SPATA9: variants seen among roughly 807,000 people sequenced by gnomAD.
SPATA9 encodes the protein spermatogenesis associated 9, also known as spermatogenesis-associated protein 9.
In SPATA9, 27 loss-of-function variants were observed where a neutral mutation model predicts 25.5. The ratio of observed to expected loss-of-function variants is 1.06; its 90% CI spans 0.78 to 1.46. SPATA9 has a LOEUF of 1.46. Ranked by LOEUF, SPATA9 falls within the 40% of genes most tolerant of loss-of-function variation. SPATA9 has a pLI of 0.00. For synonymous variants in SPATA9, 102 were observed against 105.7 expected, an observed-to-expected ratio of 0.97 and a Z score of 0.21; for missense variants, 282 against 297.5, an observed-to-expected ratio of 0.95 and a Z score of 0.38.
chr5:95,658,554 C>G lies in SPATA9; in HGVS notation c.*69G>C. On this transcript the variant is annotated 3_prime_UTR_variant, in exon 5 of 5. Coordinates refer to ENST00000274432, the MANE Select transcript of SPATA9 (RefSeq NM_031952.4). Reference sequence around the variant, plus strand: ...CAATTCAGAATATGTAAACTAGACTCTGAGTTTTGTCAGATGAAATGTGCC... The same window carrying G: ...CAATTCAGAATATGTAAACTAGACTGTGAGTTTTGTCAGATGAAATGTGCC... 1 of 1,505,358 alleles carries G rather than the reference C, an allele frequency of 6.6e-7. No homozygotes were observed. The highest frequency in any genetic ancestry group is 8.8e-7 in the Non-Finnish European group (1 of 1,130,480). The allele number at this position is 1,505,358 out of a possible 1,614,324, so 93.3% of individuals were successfully genotyped here. A position where few individuals can be genotyped will look rare whatever the true frequency, so the allele number is the denominator to read the frequency against.
the SPATA9 span, chr5:95,731,474 C>A: frequency 1.3e-5 from 16 of 1,223,140 alleles, no homozygotes; most frequent in East Asian, 5.7e-4. Context: ...GCTTATCCCC[C>A]GCCCGCTAGC....
the SPATA9 span, chr5:95,732,099 C>G: frequency 6.2e-7 from 1 of 1,608,064 alleles, no homozygotes; most frequent in Non-Finnish European, 8.5e-7. Flanking sequence ...GGAAGAGCAG[C>G]TGCTCCGCGC....
chr5:95,698,275 G>A (rs933269606), intron 1 of SPATA9, among the ~76,000 whole-genome samples: 1 of 152,140 alleles, frequency 6.6e-6, no homozygotes, highest in Non-Finnish European at 1.5e-5. Flanking sequence ...GCAGACAGTG[G>A]GGCTGGAATG....
chr5:95,704,009 G>A, the SPATA9 span, among the ~76,000 whole-genome samples: 4 of 151,998 alleles, frequency 2.6e-5, no homozygotes, highest in East Asian at 1.9e-4. Context: ...ACTGACAAAC[G>A]TGCATGCAGA....
At chr5:95,678,784 C>G (rs746185337) in intron 2 of SPATA9, among the ~76,000 whole-genome samples, 3 of 152,122 alleles carry the variant, frequency 2.0e-5, no homozygotes, top group Non-Finnish European at 2.9e-5. Context: ...TGCTTAACAA[C>G]GGAGTATTAG....
intron 2 of SPATA9, among the ~76,000 whole-genome samples, chr5:95,679,182 C>CTGGTGGG (rs1355033764): frequency 1.6e-4 from 24 of 152,274 alleles, no homozygotes; most frequent in African/African-American, 5.5e-4. Flanking sequence ...TCTCTGATTT[C>CTGGTGGG]AGCAATGGTG....
chr5:95,687,721 T>C (rs1046821458), upstream of SPATA9, among the ~76,000 whole-genome samples: 2 of 152,176 alleles, frequency 1.3e-5, no homozygotes, highest in Non-Finnish European at 2.9e-5. Flanking sequence ...ATCGGCAACA[T>C]TAGCATTGTT....
At chr5:95,690,271 A>T (rs138957830) in intron 1 of SPATA9, among the ~76,000 whole-genome samples, 1 of 152,202 alleles carries the variant, frequency 6.6e-6, no homozygotes, top group Non-Finnish European at 1.5e-5. Flanking sequence ...ATTTTTAAGA[A>T]TATATTTTTC....
chr5:95,676,134 T>C (rs1414002703), intron 2 of SPATA9, among the ~76,000 whole-genome samples: 1 of 152,170 alleles, frequency 6.6e-6, no homozygotes, highest in Non-Finnish European at 1.5e-5. Context: ...TAAATCTTTA[T>C]ATATGTATAT....
upstream of SPATA9, among the ~76,000 whole-genome samples, chr5:95,700,307 T>A (rs975838878): frequency 6.6e-6 from 1 of 152,074 alleles, no homozygotes; most frequent in South Asian, 2.1e-4. Context: ...AAAAAAATTT[T>A]TTTTTTTGTT....
At chr5:95,663,048 A>G (rs1422429154) in intron 4 of SPATA9, among the ~76,000 whole-genome samples, 1 of 152,218 alleles carries the variant, frequency 6.6e-6, no homozygotes, top group Non-Finnish European at 1.5e-5. Flanking sequence ...ATGGCCTAGC[A>G]GTTTCACCAA....
chr5:95,660,706 T>G (rs1751181903), intron 4 of SPATA9, among the ~76,000 whole-genome samples: 1 of 152,102 alleles, frequency 6.6e-6, no homozygotes, highest in South Asian at 2.1e-4. Context: ...AACAAAAAAT[T>G]ATATTTGTGC....
chr5:95,728,606 TA>T, the SPATA9 span, among the ~76,000 whole-genome samples: 1 of 152,230 alleles, frequency 6.6e-6, no homozygotes, highest in Non-Finnish European at 1.5e-5. Flanking sequence ...GTCTAGGAAC[TA>T]GAATGTTTTC....
At chr5:95,730,978 T>TA in the SPATA9 span, 2 of 557,990 alleles carry the variant, frequency 3.6e-6, no homozygotes, top group African/African-American at 3.9e-5. Context: ...CTAGCTTCCC[T>TA]AACCTCCTTT....
Position 95,680,035 on chromosome 5 carries a change from C to T in SPATA9, c.150+2493G>A, listed in dbSNP as rs370437604. Among the ~76,000 whole-genome samples the T allele has an allele frequency of 4.3e-3, 650 of 152,290 alleles. 3 individuals carry two copies. Among genetic ancestry groups the T allele is most frequent in the African/African-American group, 0.015 (619 of 41,556 alleles). On this transcript the variant is annotated intron_variant, in intron 2 of 4. Coordinates refer to ENST00000274432, the MANE Select transcript of SPATA9 (RefSeq NM_031952.4). Reference sequence around the variant, plus strand: ...GCCTCAGCCTCCCGAGGAGCTGGGACTACAGGCGCCCGCCACATTGCCTGG... The same window carrying T: ...GCCTCAGCCTCCCGAGGAGCTGGGATTACAGGCGCCCGCCACATTGCCTGG...
chr5:95,727,236 C>T, the SPATA9 span, among the ~76,000 whole-genome samples: 1 of 152,146 alleles, frequency 6.6e-6, no homozygotes, highest in South Asian at 2.1e-4. Flanking sequence ...TTTTCTGCCA[C>T]CTCCTCAAGC....
intron 2 of SPATA9, among the ~76,000 whole-genome samples, 190 bp from the exon 3 acceptor site, chr5:95,675,829 T>C (rs1249863382): frequency 6.6e-6 from 1 of 150,388 alleles, no homozygotes; most frequent in Non-Finnish European, 1.5e-5. Context: ...CTTTTTTTTT[T>C]TTTTTTTTTT....
the SPATA9 span, chr5:95,731,919 G>T: frequency 6.2e-7 from 1 of 1,614,132 alleles, no homozygotes; most frequent in Non-Finnish European, 8.5e-7. Context: ...ACAACCGGCC[G>T]TCGGGGCTTA....
the SPATA9 span, among the ~76,000 whole-genome samples, chr5:95,720,318 CTATT>C: frequency 2.2e-5 from 2 of 92,434 alleles, no homozygotes; most frequent in Non-Finnish European, 3.7e-5. Flanking sequence ...AATAGTGACT[CTATT>C]TAGATCAATT....
Sources: allele counts gnomAD v4.1 joint callset (sites outside exome capture counted in the v4.1 genomes callset), GRCh38; gene constraint gnomAD v4.1.1; transcripts MANE v1.5; gene names NCBI Gene and HGNC (gene_info 2026-07-23, HGNC 2026-07-21).